KIR3DL2: variants seen among roughly 807,000 people sequenced by gnomAD.
KIR3DL2 encodes killer cell immunoglobulin-like receptor 3DL2.
In KIR3DL2, 42 loss-of-function variants were observed where a neutral mutation model predicts 41.6. The ratio of observed to expected loss-of-function variants is 1.01; its 90% CI spans 0.79 to 1.31. The LOEUF (loss-of-function observed/expected upper bound fraction) is 1.31, where lower values mean the gene tolerates loss of function less well. Among genes scored for constraint, KIR3DL2 ranks in the 50% most tolerant of loss-of-function variants. KIR3DL2 has a pLI of 0.00. For missense variants in KIR3DL2, 728 were observed against 576.8 expected (o/e 1.26, Z -2.68); for synonymous variants, 230 against 221.3 (o/e 1.04, Z -0.35).
At chr19:54,866,466 T>A (rs1163496200) in intron 8 of KIR3DL2, 44 bp downstream of exon 8, 1 of 1,613,878 alleles carries the variant, frequency 6.2e-7, no homozygotes, top group Non-Finnish European at 8.5e-7. Context: ...GTCTTATCCC[T>A]AATAGTCCTG....
intron 6 of KIR3DL2, among the ~76,000 whole-genome samples, chr19:54,861,721 C>G (rs1196203464): frequency 6.6e-6 from 1 of 151,102 alleles, no homozygotes; most frequent in East Asian, 1.9e-4. Context: ...TTCCAATCAT[C>G]ATTTTTCTAT....
At chr19:54,854,866 T>C in intron 4 of KIR3DL2, among the ~76,000 whole-genome samples, 1 of 151,602 alleles carries the variant, frequency 6.6e-6, no homozygotes, top group East Asian at 1.9e-4. Flanking sequence ...GATGTGGGGA[T>C]GGATTGCAGA....
In KIR3DL2 at chr19:54,866,866, T is replaced by C. The variant is rs2065571059; in HGVS notation, c.*135T>C. On this transcript the variant is annotated 3_prime_UTR_variant, in exon 9 of 9. Coordinates refer to ENST00000326321, the MANE Select transcript of KIR3DL2 (RefSeq NM_006737.4). ...AATCTGAACATGCCTCTCTCTTGCT[T>C]ACAAATGCCTAAGGTCGCCACTGCC... The C allele has an allele frequency of 2.0e-6, 2 of 1,008,670 alleles. No homozygotes were observed. Among genetic ancestry groups the C allele is most frequent in the Admixed American group, 4.7e-5 (2 of 43,004 alleles). The allele number at this position is 1,008,670 out of a possible 1,614,324, so 62.5% of individuals were successfully genotyped here.
intron 6 of KIR3DL2, among the ~76,000 whole-genome samples, chr19:54,862,654 C>A (rs2065254173): frequency 6.6e-6 from 1 of 151,990 alleles, no homozygotes; most frequent in Non-Finnish European, 1.5e-5. Context: ...CCACAGGAAG[C>A]ACTCAGCTAA....
rs1569521359 is a variant in KIR3DL2, at chr19:54,853,981, G to T, written c.590G>T (p.Gly197Val). 2 of 1,613,330 alleles carry T rather than the reference G, an allele frequency of 1.2e-6. No individual in the cohort carries two copies. The highest frequency in any genetic ancestry group is 2.2e-5 in the East Asian group (1 of 44,874). The change falls in exon 4 of 9, where the codon GGT becomes GTT. Residue 197 changes from glycine (G) to valine (V), a missense_variant. Transcript: ENST00000326321. ...CTTGCAGGAACCTACAGATGTTATGGTTCTGTTCCTCACTCCCCCTATCAG... is the reference window on the plus strand; with the variant it reads ...CTTGCAGGAACCTACAGATGTTATGTTTCTGTTCCTCACTCCCCCTATCAG... Reference protein sequence around the residue: ...PVLAGTYRCYGSVPHSPYQLS... With the variant: ...PVLAGTYRCYVSVPHSPYQLS...
At chr19:54,852,629 G>T (rs1295570960) in intron 3 of KIR3DL2, among the ~76,000 whole-genome samples, 3 of 151,558 alleles carry the variant, frequency 2.0e-5, no homozygotes, top group African/African-American at 7.3e-5. Flanking sequence ...TGGAGGAAGA[G>T]GGGAGTGGGG....
rs759038729 is a variant in KIR3DL2 at position 54,855,754 on chromosome 19, G to T, written c.791G>T (p.Arg264Leu). 3.7e-6 allele frequency: 6 copies of T among 1,613,342 alleles called. No individual in the cohort carries two copies. The highest frequency in any genetic ancestry group is 5.1e-6 in the Non-Finnish European group (6 of 1,179,916). The change falls in exon 5 of 9, where the codon CGT becomes CTT. Residue 264 changes from arginine (R) to leucine (L), a missense_variant. By Grantham distance (102) the Arg-to-Leu change is moderately radical. Coordinates refer to ENST00000326321, the MANE Select transcript of KIR3DL2 (RefSeq NM_006737.4). ...HLSREGEAHE[R>L]RLRAVPKVNR... is the part of the protein sequence containing the mutation. ...TCCAGGGAAGGGGAGGCCCATGAAC[G>T]TAGGCTCCGTGCAGTGCCCAAGGTC... is the stretch of plus-strand genomic sequence containing the variant.
In KIR3DL2 at chr19:54,856,501, G is replaced by A. The variant is rs1308865413; in HGVS notation, c.949+589G>A. Among the ~76,000 whole-genome samples, 7 of 151,556 alleles carry A rather than the reference G, an allele frequency of 4.6e-5. 1 individual carries two copies. Among genetic ancestry groups the A allele is most frequent in the Middle Eastern group, 6.8e-3 (2 of 294 alleles). On this transcript the variant is annotated intron_variant, in intron 5 of 8. Transcript: ENST00000326321. ...CTCGAGATCAGCCTGGCCAACATGC[G>A]GGAAATTCATCTTTACTAAACAGAC... is the stretch of plus-strand genomic sequence containing the variant.
At position 54,856,035 on chromosome 19, in the gene KIR3DL2, G is replaced by C. The variant is rs545249148; in HGVS notation, c.949+123G>C. On this transcript the variant is annotated intron_variant, in intron 5 of 8. Transcript: ENST00000326321. ...GAGAACACGAAGACTGGGTGTGAGG[G>C]GGGGGTCAGGGTGCAGGATGGCAGA... is the stretch of plus-strand genomic sequence containing the variant. 19 of 1,231,898 alleles carry C rather than the reference G, an allele frequency of 1.5e-5. 1 individual carries two copies. Among genetic ancestry groups the C allele is most frequent in the East Asian group, 7.0e-5 (3 of 42,714 alleles). The allele number at this position is 1,231,898 out of a possible 1,614,324, so 76.3% of individuals were successfully genotyped here.
Position 54,865,915 on chromosome 19 carries a change from T to A in KIR3DL2, c.1105+6T>A. 2 of 1,581,250 alleles carry A rather than the reference T, an allele frequency of 1.3e-6. No individual in the cohort carries two copies. Among genetic ancestry groups the A allele is most frequent in the Non-Finnish European group, 1.7e-6 (2 of 1,150,808 alleles). On this transcript the variant is annotated splice_donor_region_variant and intron_variant, in intron 7 of 8. Transcript: ENST00000326321. Reference sequence around the variant, plus strand: ...CTGGTGCTCCAACAAAAAGAGTAAGTCTCACGAAGCAGAGGCCAGAGAGCT... The same window carrying A: ...CTGGTGCTCCAACAAAAAGAGTAAGACTCACGAAGCAGAGGCCAGAGAGCT...
At chr19:54,856,927 C>T (rs1032103727) in intron 5 of KIR3DL2, among the ~76,000 whole-genome samples, 1 of 152,104 alleles carries the variant, frequency 6.6e-6, no homozygotes, top group Non-Finnish European at 1.5e-5. Context: ...GTTCTCTATC[C>T]ATTCACCCAC....
chr19:54,861,893 A>T (rs2065203559), intron 6 of KIR3DL2, among the ~76,000 whole-genome samples: 1 of 151,890 alleles, frequency 6.6e-6, no homozygotes, highest in Non-Finnish European at 1.5e-5. Flanking sequence ...TGCTCTGTTC[A>T]TCACAAGAAA....
chr19:54,866,300 G>T, intron 7 of KIR3DL2, 70 bp from the exon 8 acceptor site: 2 of 1,525,870 alleles, frequency 1.3e-6, no homozygotes, highest in Non-Finnish European at 1.8e-6. Context: ...CCTGTGGGTT[G>T]GTGTCTGCCC....
chr19:54,853,946 G>A lies in KIR3DL2; in HGVS notation c.555G>A (p.Leu185=), dbSNP rs2064517271. 6.2e-7 allele frequency: 1 copy of A among 1,613,284 alleles called. No homozygotes were observed. The highest frequency in any genetic ancestry group is 1.1e-5 in the South Asian group (1 of 91,088). ...VSKANFSIGP[L]MPVLAGTYRC... ...AGGCCAACTTCTCCATCGGTCCCTT[G>A]ATGCCTGTCCTTGCAGGAACCTACA... is the stretch of plus-strand genomic sequence containing the variant. The change falls in exon 4 of 9, where the codon TTG becomes TTA. Residue 185 remains leucine, a synonymous_variant. Coordinates refer to ENST00000326321, the MANE Select transcript of KIR3DL2 (RefSeq NM_006737.4).
At chr19:54,863,457 T>C (rs1435765384) in intron 6 of KIR3DL2, among the ~76,000 whole-genome samples, 1 of 152,074 alleles carries the variant, frequency 6.6e-6, no homozygotes, top group African/African-American at 2.4e-5. Context: ...GTTGAACTAG[T>C]TTACAGTCCC....
At chr19:54,852,465 T>C (rs1295336515) in intron 3 of KIR3DL2, among the ~76,000 whole-genome samples, 183 bp downstream of exon 3, 1 of 151,388 alleles carries the variant, frequency 6.6e-6, no homozygotes, top group Non-Finnish European at 1.5e-5. Context: ...ATGGCTACAT[T>C]GTAAACCCTG....
chr19:54,865,829 TG>T lies in KIR3DL2; in HGVS notation c.1026del (p.Ile343LeufsTer30), dbSNP rs2065467902. 6.2e-7 allele frequency: 1 copy of T among 1,613,792 alleles called. No individual in the cohort carries two copies. Among genetic ancestry groups the T allele is most frequent in the East Asian group, 2.2e-5 (1 of 44,884 alleles). Reference sequence around the variant, plus strand: ...GGTATCTGCAGACACCTGCATGTTCTGATTGGGACCTCAGTGGTCATCTTCC... The same window carrying T: ...GGTATCTGCAGACACCTGCATGTTCTATTGGGACCTCAGTGGTCATCTTCC... ...KSGICRHLHVLIGTSVVIFLF... is the reference protein window; with the variant it reads ...KSGICRHLHVXIGTSVVIFLF... On this transcript the variant is annotated frameshift_variant, in exon 7 of 9. Coordinates refer to ENST00000326321, the MANE Select transcript of KIR3DL2 (RefSeq NM_006737.4). LOFTEE classifies it high-confidence loss of function.
intron 4 of KIR3DL2, among the ~76,000 whole-genome samples, chr19:54,854,578 T>A (rs2145601193): frequency 6.6e-6 from 1 of 151,852 alleles, no homozygotes; most frequent in Admixed American, 6.5e-5. Flanking sequence ...CTAAATACTG[T>A]GTGTACTTGG....
intron 6 of KIR3DL2, among the ~76,000 whole-genome samples, chr19:54,864,516 A>G (rs943127537): frequency 3.3e-5 from 5 of 151,834 alleles, no homozygotes; most frequent in Admixed American, 6.6e-5. Context: ...ATTTGTTTGT[A>G]TCCTCTTTTA....
Sources: allele counts gnomAD v4.1 joint callset (sites outside exome capture counted in the v4.1 genomes callset), GRCh38; gene constraint gnomAD v4.1.1; transcripts MANE v1.5; gene names NCBI Gene and HGNC (gene_info 2026-07-23, HGNC 2026-07-21).